SUCLG1: variants seen among roughly 807,000 people sequenced by gnomAD.
SUCLG1 encodes succinate-CoA ligase GDP/ADP-forming subunit alpha.
SUCLG1 carries 26 observed loss-of-function variants against 37.3 expected under a neutral mutation model. That is an observed-to-expected ratio of 0.70 (90% confidence interval 0.51 to 0.97). SUCLG1 has a LOEUF of 0.97. SUCLG1 is among the 50% of genes least tolerant of loss of function. The pLI, the probability that SUCLG1 is intolerant of heterozygous loss-of-function variation, is 0.00. For synonymous variants in SUCLG1, 163 were observed against 155.6 expected (o/e 1.05, Z -0.36); for missense variants, 433 against 432.9 (o/e 1.00, Z 0.00).
intron 2 of SUCLG1, among the ~76,000 whole-genome samples, chr2:84,447,183 T>C (rs1176872942): frequency 6.6e-6 from 1 of 152,194 alleles, no homozygotes; most frequent in Non-Finnish European, 1.5e-5. Context: ...GAAAACAAAC[T>C]AATGAGACAA....
intron 5 of SUCLG1, among the ~76,000 whole-genome samples, chr2:84,440,328 G>A (rs983050333): frequency 6.6e-6 from 1 of 152,160 alleles, no homozygotes; most frequent in Non-Finnish European, 1.5e-5. Flanking sequence ...AGCCGAGATC[G>A]AGCCATTGCA....
At chr2:84,451,797 T>C (rs1166394253) in intron 1 of SUCLG1, among the ~76,000 whole-genome samples, 2 of 152,088 alleles carry the variant, frequency 1.3e-5, no homozygotes, top group Non-Finnish European at 1.5e-5. Flanking sequence ...TAGATGTGTG[T>C]GCGCTCATGC....
At chr2:84,441,003 G>T in intron 5 of SUCLG1, 44 bp downstream of exon 5, 1 of 1,587,208 alleles carries the variant, frequency 6.3e-7, no homozygotes, top group South Asian at 1.1e-5. Context: ...AGGGTTTAAG[G>T]CAAATAACGT....
chr2:84,440,838 C>A lies in SUCLG1; in HGVS notation c.589+209G>T, dbSNP rs1304687961. ...TTTAAACTCCCACCACCAAAAAAAT[C>A]TTCACTGATTCTGCAGAATTGTAAC... On this transcript the variant is annotated intron_variant, in intron 5 of 8. Coordinates refer to ENST00000393868, the MANE Select transcript of SUCLG1 (RefSeq NM_003849.4). Among the ~76,000 whole-genome samples the A allele has an allele frequency of 7.2e-5, 11 of 152,324 alleles. No individual in the cohort carries two copies. The South Asian group carries it at 2.3e-3, about 32-fold the overall frequency.
chr2:84,443,926 G>A lies in SUCLG1; in HGVS notation c.202-526C>T, dbSNP rs577672889. On this transcript the variant is annotated intron_variant, in intron 2 of 8. Coordinates refer to ENST00000393868, the MANE Select transcript of SUCLG1 (RefSeq NM_003849.4). ...TTCAATACTGCCCACCCACCAACCT[G>A]TATTTCTCTATCCATTCACTTTTCC... is the stretch of plus-strand genomic sequence containing the variant. Among the ~76,000 whole-genome samples, 383 of 152,214 alleles carry A rather than the reference G, an allele frequency of 2.5e-3. 1 individual carries two copies. The highest frequency in any genetic ancestry group is 3.9e-3 in the Non-Finnish European group (265 of 68,006).
At chr2:84,455,058 A>G (rs1473399048) in intron 1 of SUCLG1, among the ~76,000 whole-genome samples, 2 of 152,236 alleles carry the variant, frequency 1.3e-5, no homozygotes, top group Non-Finnish European at 2.9e-5. Flanking sequence ...CTACACCTAC[A>G]GGACCTTATA....
chr2:84,441,779 C>T (rs186319599), intron 3 of SUCLG1, among the ~76,000 whole-genome samples: 28 of 151,988 alleles, frequency 1.8e-4, no homozygotes, highest in Non-Finnish European at 3.8e-4. Context: ...CAAATGATGC[C>T]GGGGGTTAAA....
chr2:84,436,228 G>A (rs1365505028), intron 5 of SUCLG1, among the ~76,000 whole-genome samples: 2 of 152,136 alleles, frequency 1.3e-5, no homozygotes. Context: ...TACTAAGTTT[G>A]AGGTCACTTT....
intron 3 of SUCLG1, among the ~76,000 whole-genome samples, 166 bp from the exon 4 acceptor site, chr2:84,441,625 G>C (rs1435272569): frequency 6.6e-6 from 1 of 152,100 alleles, no homozygotes; most frequent in African/African-American, 2.4e-5. Context: ...GAGTAGAACA[G>C]AATCAAGCAT....
intron 5 of SUCLG1, among the ~76,000 whole-genome samples, chr2:84,439,335 T>A (rs571989222): frequency 1.3e-5 from 2 of 152,262 alleles, no homozygotes; most frequent in East Asian, 3.9e-4. Flanking sequence ...AGGTTTATGC[T>A]CACCTTAGAA....
Position 84,449,634 on chromosome 2 carries a change from T to A in SUCLG1, c.201+15A>T. On this transcript the variant is annotated intron_variant, in intron 2 of 8. Transcript: ENST00000393868. ...TCTAGTCTACATTTGAAAATAAAAA[T>A]CTAGATATACATACCTGTTTGCCAG... 1 of 1,510,490 alleles carries A rather than the reference T, an allele frequency of 6.6e-7. No individual in the cohort carries two copies. The highest frequency in any genetic ancestry group is 9.1e-7 in the Non-Finnish European group (1 of 1,101,454). The allele number at this position is 1,510,490 out of a possible 1,614,324, so 93.6% of individuals were successfully genotyped here.
chr2:84,459,018 T>C (rs934262432), intron 1 of SUCLG1, among the ~76,000 whole-genome samples, 155 bp downstream of exon 1: 3 of 152,180 alleles, frequency 2.0e-5, no homozygotes, highest in South Asian at 4.1e-4. Context: ...CCTTCCACCG[T>C]AGGGGTCCCC....
chr2:84,450,278 TAA>T (rs758241661), intron 1 of SUCLG1, among the ~76,000 whole-genome samples: 3 of 152,136 alleles, frequency 2.0e-5, no homozygotes, highest in Non-Finnish European at 4.4e-5. Flanking sequence ...TATTAAATGT[TAA>T]GTCATAGGAT....
At chr2:84,449,079 T>C (rs958707434) in intron 2 of SUCLG1, 2 of 202,504 alleles carry the variant, frequency 9.9e-6, no homozygotes, top group East Asian at 1.7e-4. Context: ...TATGAGAGAA[T>C]GAATATAAAT....
chr2:84,430,230 T>C (rs1672594894), intron 7 of SUCLG1, among the ~76,000 whole-genome samples: 1 of 152,214 alleles, frequency 6.6e-6, no homozygotes, highest in Non-Finnish European at 1.5e-5. Context: ...GAGTGCTTAC[T>C]AAGTGCCGGG....
At chr2:84,444,611 G>A (rs1672822052) in intron 2 of SUCLG1, among the ~76,000 whole-genome samples, 1 of 152,188 alleles carries the variant, frequency 6.6e-6, no homozygotes, top group African/African-American at 2.4e-5. Context: ...ATCTTATCAG[G>A]AGACAGGCTT....
chr2:84,444,113 C>G (rs915580249), intron 2 of SUCLG1, among the ~76,000 whole-genome samples: 1 of 152,154 alleles, frequency 6.6e-6, no homozygotes, highest in Admixed American at 6.5e-5. Context: ...TTAATGACAA[C>G]CAAAAACAGC....
rs1405642733 is a variant in SUCLG1 at position 84,459,250 on chromosome 2, G to A, written c.20C>T (p.Ala7Val). The A allele has an allele frequency of 1.3e-6, 2 of 1,550,820 alleles. No homozygotes were observed. The highest frequency in any genetic ancestry group is 1.7e-6 in the Non-Finnish European group (2 of 1,146,890). Residue 7 changes from alanine to valine, a missense_variant, in exon 1 of 9, where the codon GCT becomes GTT. Transcript: ENST00000393868. Reference sequence around the variant, plus strand: ...GACCATGGTAGCGATGTCAGCGGCAGCGGCAAGGGTTGCGGTCATACGCCA... The same window carrying A: ...GACCATGGTAGCGATGTCAGCGGCAACGGCAAGGGTTGCGGTCATACGCCA... The part of the protein sequence containing the change: MTATLA[A>V]AADIATMVSG...
At chr2:84,445,889 A>ACTTC (rs1672842169) in intron 2 of SUCLG1, among the ~76,000 whole-genome samples, 1 of 152,220 alleles carries the variant, frequency 6.6e-6, no homozygotes, top group African/African-American at 2.4e-5. Flanking sequence ...TCAGTCAAGT[A>ACTTC]AAAGCCAAAC....
Sources: gnomAD v4.1 joint callset for allele counts (sites outside exome capture counted in the v4.1 genomes callset) on GRCh38, gnomAD v4.1.1 for gene constraint, MANE v1.5 for transcripts, NCBI Gene and HGNC (gene_info 2026-07-23, HGNC 2026-07-21) for gene names.